TMEFF2: variants seen among roughly 807,000 people sequenced by gnomAD.
The protein encoded by TMEFF2 is tomoregulin-2.
In TMEFF2, 28 loss-of-function variants were observed where a neutral mutation model predicts 53.8. The observed-to-expected ratio is 0.52, with a 90% CI of 0.39 to 0.71. The LOEUF (loss-of-function observed/expected upper bound fraction) is 0.71, where lower values mean the gene tolerates loss of function less well. Among genes scored for constraint, TMEFF2 ranks in the 30% least tolerant of loss-of-function variants. The pLI, the probability that TMEFF2 is intolerant of heterozygous loss-of-function variation, is 0.00. For synonymous variants in TMEFF2, 162 were observed against 166.3 expected (o/e 0.97, Z 0.20); for missense variants, 353 against 455.2 (o/e 0.78, Z 2.04).
intron 7 of TMEFF2, among the ~76,000 whole-genome samples, chr2:191,965,202 G>C (rs949330532): frequency 6.6e-6 from 1 of 151,810 alleles, no homozygotes; most frequent in African/African-American, 2.4e-5. Context: ...ACATTCCTAG[G>C]GTCTCCCAGG....
intron 2 of TMEFF2, among the ~76,000 whole-genome samples, chr2:192,185,640 C>CAAGAATGTA (rs2106041930): frequency 6.6e-6 from 1 of 152,044 alleles, no homozygotes; most frequent in South Asian, 2.1e-4. Flanking sequence ...AACCTCAACT[C>CAAGAATGTA]AAGAATGTAT....
chr2:191,959,849 A>G (rs1692220911), intron 7 of TMEFF2, among the ~76,000 whole-genome samples: 1 of 152,084 alleles, frequency 6.6e-6, no homozygotes, highest in Non-Finnish European at 1.5e-5. Flanking sequence ...GTTAAGTTGT[A>G]TTATCTATCC....
intron 7 of TMEFF2, among the ~76,000 whole-genome samples, chr2:191,994,598 T>C (rs1419087569): frequency 6.6e-6 from 1 of 151,902 alleles, no homozygotes; most frequent in Non-Finnish European, 1.5e-5. Context: ...CACATATATA[T>C]GAAAGAAAAT....
In TMEFF2 at chr2:191,998,297, G is replaced by C. The variant is rs1221753894; in HGVS notation, c.710C>G (p.Ser237Cys). Reference sequence around the variant, plus strand: ...TGTTCTTGCATAATGCCCATCTTCAGACTTAGTAGTTGTAGTTGTGTTATC... The same window carrying C: ...TGTTCTTGCATAATGCCCATCTTCACACTTAGTAGTTGTAGTTGTGTTATC... Reference protein sequence around the residue: ...CQDNTTTTTKSEDGHYARTDY... With the variant: ...CQDNTTTTTKCEDGHYARTDY... Residue 237 changes from serine to cysteine, a missense_variant, in exon 7 of 10, where the codon TCT (serine) becomes TGT (cysteine). By Grantham distance (112) the Ser-to-Cys change is moderately radical. This residue lies in a region of TMEFF2 where 294 missense variants were observed against 397.3 expected (regional missense o/e 0.74). Transcript: ENST00000272771. 1 of 1,598,964 alleles carries C rather than the reference G, an allele frequency of 6.3e-7. No individual in the cohort carries two copies. The highest frequency in any genetic ancestry group is 8.5e-7 in the Non-Finnish European group (1 of 1,173,410).
intron 4 of TMEFF2, among the ~76,000 whole-genome samples, chr2:192,111,561 G>A (rs1689276438): frequency 6.6e-6 from 1 of 152,142 alleles, no homozygotes; most frequent in African/African-American, 2.4e-5. Flanking sequence ...GAGCATAAAA[G>A]TTTGGAAAAT....
At chr2:191,977,987 A>ATATCC (rs1685771688) in intron 7 of TMEFF2, among the ~76,000 whole-genome samples, 2 of 152,240 alleles carry the variant, frequency 1.3e-5, no homozygotes, top group East Asian at 3.8e-4. Context: ...AAACATACTA[A>ATATCC]TATCCACCAG....
In TMEFF2 at chr2:192,179,421, C is replaced by T. The variant is rs1691131055; in HGVS notation, c.439+247G>A. 6 of 382,338 alleles carry T rather than the reference C, an allele frequency of 1.6e-5. No individual in the cohort carries two copies. The South Asian group carries it at 7.2e-4, about 46-fold the overall frequency. 23.7% of individuals were successfully genotyped at this position (382,338 alleles called of 1,614,324 possible). A position where few individuals can be genotyped will look rare whatever the true frequency, so the allele number is the denominator to read the frequency against. On this transcript the variant is annotated intron_variant, in intron 4 of 9. Transcript: ENST00000272771. Reference sequence around the variant, plus strand: ...GCCTATCCATATCAAAGATAACTTACAAACAAACAAACAAACAAATGAACA... The same window carrying T: ...GCCTATCCATATCAAAGATAACTTATAAACAAACAAACAAACAAATGAACA...
chr2:192,122,279 A>G (rs1275909602), intron 4 of TMEFF2, among the ~76,000 whole-genome samples: 1 of 152,132 alleles, frequency 6.6e-6, no homozygotes, highest in African/African-American at 2.4e-5. Flanking sequence ...TCTTAATGCT[A>G]AAAAAAGGTA....
intron 4 of TMEFF2, among the ~76,000 whole-genome samples, chr2:192,151,944 G>C (rs1690398404): frequency 6.6e-6 from 1 of 151,794 alleles, no homozygotes; most frequent in Non-Finnish European, 1.5e-5. Flanking sequence ...TGTTGGCTAA[G>C]GGTAATTGTT....
chr2:192,058,364 A>G (rs572534586), intron 4 of TMEFF2, among the ~76,000 whole-genome samples: 2 of 152,184 alleles, frequency 1.3e-5, no homozygotes, highest in Non-Finnish European at 2.9e-5. Context: ...TGAATCTTAC[A>G]TAAGTATTGC....
intron 3 of TMEFF2, among the ~76,000 whole-genome samples, chr2:192,180,595 T>G (rs191339257): frequency 6.6e-6 from 1 of 151,766 alleles, no homozygotes; most frequent in Admixed American, 6.6e-5. Flanking sequence ...CTCTGCCTGA[T>G]GTGCCCTTAT....
chr2:192,126,133 A>AT (rs757056328), intron 4 of TMEFF2, among the ~76,000 whole-genome samples: 3 of 152,370 alleles, frequency 2.0e-5, no homozygotes, highest in South Asian at 4.1e-4. Flanking sequence ...TTTGAAAAAG[A>AT]TAAAAAGCAC....
At chr2:192,166,060 T>C (rs1326802455) in intron 4 of TMEFF2, among the ~76,000 whole-genome samples, 1 of 152,196 alleles carries the variant, frequency 6.6e-6, no homozygotes, top group African/African-American at 2.4e-5. Context: ...AAGGCACCTG[T>C]TTCTAGTTCG....
intron 7 of TMEFF2, among the ~76,000 whole-genome samples, chr2:191,967,487 C>T (rs1301215215): frequency 1.3e-5 from 2 of 152,094 alleles, no homozygotes; most frequent in Admixed American, 6.6e-5. Flanking sequence ...TGACCTCCTT[C>T]CCTTGTGAAA....
chr2:191,960,338 C>T (rs149385031), intron 7 of TMEFF2, among the ~76,000 whole-genome samples: 5 of 152,140 alleles, frequency 3.3e-5, no homozygotes, highest in East Asian at 1.9e-4. Context: ...TAAAATAATT[C>T]GACTTCTATG....
chr2:192,084,699 TAAAC>T (rs1688629714), intron 4 of TMEFF2, among the ~76,000 whole-genome samples: 1 of 152,196 alleles, frequency 6.6e-6, no homozygotes. Flanking sequence ...TTTAATTCGT[TAAAC>T]AAAAAATGAG....
intron 4 of TMEFF2, among the ~76,000 whole-genome samples, chr2:192,108,312 T>C (rs1043812090): frequency 4.0e-5 from 6 of 151,858 alleles, no homozygotes; most frequent in African/African-American, 1.2e-4. Flanking sequence ...TTGAATTGGA[T>C]GCAATATTCA....
chr2:191,990,758 T>C (rs1686084431), intron 7 of TMEFF2, among the ~76,000 whole-genome samples: 1 of 138,644 alleles, frequency 7.2e-6, no homozygotes, highest in African/African-American at 2.7e-5. Context: ...TTGATCTCTT[T>C]GCGGGGTGTG....
chr2:192,021,596 A>G (rs1686862073), intron 5 of TMEFF2, among the ~76,000 whole-genome samples: 1 of 152,168 alleles, frequency 6.6e-6, no homozygotes, highest in South Asian at 2.1e-4. Flanking sequence ...AAGAAGAGAT[A>G]GAAAGGTAGT....
Sources: gnomAD v4.1 joint callset for allele counts (sites outside exome capture counted in the v4.1 genomes callset) on GRCh38, gnomAD v4.1.1 for gene constraint, gnomAD v4.1.1 regional missense constraint, MANE v1.5 for transcripts, NCBI Gene and HGNC (gene_info 2026-07-23, HGNC 2026-07-21) for gene names.